Variants in FBXO31 observed in about 807,000 individuals in gnomAD.
The protein encoded by FBXO31 is F-box protein 31.
FBXO31 carries 24 observed loss-of-function variants against 54.4 expected under a neutral mutation model. That is an observed-to-expected ratio of 0.44 (90% CI 0.32 to 0.62). FBXO31 has a LOEUF of 0.62. FBXO31 is among the 20% of genes least tolerant of loss of function. The probability of loss-of-function intolerance (pLI) is 0.05; values close to 1 mark genes in which losing one functional copy is unlikely to be tolerated. For synonymous variants in FBXO31, 388 were observed against 335.6 expected (o/e 1.16, Z -1.71); for missense variants, 665 against 787.1 (o/e 0.84, Z 1.86).
Position 87,383,379 on chromosome 16 carries a change from CGG to C in FBXO31, c.340+24_340+25del. On this transcript the variant is annotated intron_variant, in intron 1 of 8. Transcript: ENST00000311635. This position sits in a 1 kb window ranked among gnomAD's most constrained non-coding sequence, Gnocchi z 4.9. Reference sequence around the variant, plus strand: ...CCTGGCAGGGACCCCCCGCCCCTCCCGGCCCCGCCACCCCCGCGCGCTCACCC... The same window carrying C: ...CCTGGCAGGGACCCCCCGCCCCTCCCCCCCGCCACCCCCGCGCGCTCACCC... 2.9e-3 allele frequency: 4,271 copies of C among 1,467,198 alleles called. No homozygotes were observed. Among genetic ancestry groups the C allele is most frequent in the Non-Finnish European group, 3.6e-3 (3,898 of 1,085,692 alleles). 90.9% of individuals were successfully genotyped at this position (1,467,198 alleles called of 1,614,324 possible). A position where few individuals can be genotyped will look rare whatever the true frequency, so the allele number is the denominator to read the frequency against.
Position 87,383,750 on chromosome 16 carries a change from C to T in FBXO31, c.-6G>A, listed in dbSNP as rs1907198079. The T allele has an allele frequency of 8.3e-7, 1 of 1,202,208 alleles. No homozygotes were observed. The highest frequency in any genetic ancestry group is 3.6e-5 in the East Asian group (1 of 27,420). The allele number at this position is 1,202,208 out of a possible 1,614,324, so 74.5% of individuals were successfully genotyped here. Reference sequence around the variant, plus strand: ...AGGCGAGCACACACCGCCATGCCGCCCAGTGACGGCCACTGCTGCCGCCTG... The same window carrying T: ...AGGCGAGCACACACCGCCATGCCGCTCAGTGACGGCCACTGCTGCCGCCTG... On this transcript the variant is annotated 5_prime_UTR_variant, in exon 1 of 9. Transcript: ENST00000311635. This position sits in a 1 kb window ranked among gnomAD's most constrained non-coding sequence, Gnocchi z 4.9.
intron 1 of FBXO31, among the ~76,000 whole-genome samples, chr16:87,372,732 C>CT (rs540984671): frequency 0.045 from 5,859 of 129,730 alleles, 182 homozygotes; most frequent in Middle Eastern, 0.1. Flanking sequence ...GGTTAATTTC[C>CT]TTTTTTTTTT....
chr16:87,331,007 C>T lies in FBXO31; in HGVS notation c.*281G>A, dbSNP rs1904834061. On this transcript the variant is annotated 3_prime_UTR_variant, in exon 9 of 9. Coordinates refer to ENST00000311635, the MANE Select transcript of FBXO31 (RefSeq NM_024735.5). ...GCGGGAACCCCACCGCTTCAATTCTCACGCGGTCCCACGGCTGTCCCCTAC... is the reference window on the plus strand; with the variant it reads ...GCGGGAACCCCACCGCTTCAATTCTTACGCGGTCCCACGGCTGTCCCCTAC... 3 of 370,072 alleles carry T rather than the reference C, an allele frequency of 8.1e-6. No individual in the cohort carries two copies. The highest frequency in any genetic ancestry group is 1.5e-5 in the Non-Finnish European group (3 of 198,134). The allele number at this position is 370,072 out of a possible 1,614,324, so 22.9% of individuals were successfully genotyped here.
intron 1 of FBXO31, among the ~76,000 whole-genome samples, chr16:87,381,131 A>C (rs368805883): frequency 2.3e-4 from 35 of 152,284 alleles, no homozygotes; most frequent in Middle Eastern, 3.4e-3. Flanking sequence ...GGGAAAGAGA[A>C]AGTGGAACTG....
In FBXO31 at chr16:87,329,296, G is replaced by T. The variant is rs1445874910; in HGVS notation, c.*1992C>A. On this transcript the variant is annotated 3_prime_UTR_variant, in exon 9 of 9. Transcript: ENST00000311635. ...CAACAGCCCATGGCTGAGACATGAT[G>T]GGTGGAAGCTATTTCTATACCCAAA... 1 of 152,342 alleles carries T rather than the reference G, an allele frequency of 6.6e-6. No individual in the cohort carries two copies. The highest frequency in any genetic ancestry group is 1.5e-5 in the Non-Finnish European group (1 of 68,126). 9.4% of individuals were successfully genotyped at this position (152,342 alleles called of 1,614,324 possible).
intron 1 of FBXO31, among the ~76,000 whole-genome samples, chr16:87,378,249 A>G (rs1906917394): frequency 6.6e-6 from 1 of 152,198 alleles, no homozygotes; most frequent in African/African-American, 2.4e-5. Flanking sequence ...AGCAAAAATG[A>G]AAGATAAATA....
At chr16:87,392,117 G>A (rs536591188), upstream of FBXO31, 90 of 294,544 alleles carry the variant, frequency 3.1e-4, no homozygotes, top group African/African-American at 1.7e-3. Context: ...GTGCTGGGCG[G>A]GGCTGGGGCA....
In FBXO31 at chr16:87,336,990, T is replaced by G. The variant is rs564224902; in HGVS notation, c.733-726A>C. Reference sequence around the variant, plus strand: ...TAGACCTAACTCTGAAAGGGACGCATAAGCAACTCACAAAAAAGAGGAAAC... The same window carrying G: ...TAGACCTAACTCTGAAAGGGACGCAGAAGCAACTCACAAAAAAGAGGAAAC... On this transcript the variant is annotated intron_variant, in intron 5 of 8. Transcript: ENST00000311635. This position sits in a 1 kb window ranked among gnomAD's most constrained non-coding sequence, Gnocchi z 6.5. 6.6e-6 allele frequency among the ~76,000 whole-genome samples: 1 copy of G among 152,242 alleles called. No individual in the cohort carries two copies. Among genetic ancestry groups the G allele is most frequent in the Non-Finnish European group, 1.5e-5 (1 of 68,022 alleles).
intron 2 of FBXO31, among the ~76,000 whole-genome samples, chr16:87,348,190 A>C (rs1905478405): frequency 6.6e-6 from 1 of 152,054 alleles, no homozygotes; most frequent in Admixed American, 6.5e-5. Context: ...CTAGGCCCTC[A>C]GCCATGTGGC....
At chr16:87,363,646 T>G (rs1201085027) in intron 1 of FBXO31, among the ~76,000 whole-genome samples, 1 of 152,200 alleles carries the variant, frequency 6.6e-6, no homozygotes, top group Non-Finnish European at 1.5e-5. Context: ...AAATAGTTTT[T>G]TAATGAAAAT....
At chr16:87,363,669 G>A (rs1055124218) in intron 1 of FBXO31, among the ~76,000 whole-genome samples, 1 of 152,180 alleles carries the variant, frequency 6.6e-6, no homozygotes, top group Admixed American at 6.5e-5. Context: ...CTTGCTACAT[G>A]GTTAAGTGCT....
upstream of FBXO31, chr16:87,383,878 G>C: frequency 6.6e-6 from 4 of 607,478 alleles, no homozygotes; most frequent in Middle Eastern, 6.4e-4. This position sits in a 1 kb window ranked among gnomAD's most constrained non-coding sequence, Gnocchi z 4.9. Flanking sequence ...CCTACGTAGA[G>C]CTCCGCCCCG....
intron 1 of FBXO31, among the ~76,000 whole-genome samples, chr16:87,382,954 C>A (rs1324791154): frequency 6.6e-6 from 1 of 152,098 alleles, no homozygotes; most frequent in Non-Finnish European, 1.5e-5. Context: ...TCTTCAAGTT[C>A]ACCTCGTCTC....
intron 1 of FBXO31, among the ~76,000 whole-genome samples, chr16:87,372,085 A>G (rs907922848): frequency 5.9e-5 from 9 of 152,006 alleles, no homozygotes; most frequent in Admixed American, 1.3e-4. Context: ...TTAGCCAGGT[A>G]TGGTGGCACA....
intron 3 of FBXO31, among the ~76,000 whole-genome samples, chr16:87,344,805 A>ACG (rs1905309060): frequency 6.6e-6 from 1 of 152,070 alleles, no homozygotes; most frequent in Non-Finnish European, 1.5e-5. Context: ...AACACAACAA[A>ACG]CGCAGAGCGG....
upstream of FBXO31, among the ~76,000 whole-genome samples, chr16:87,385,768 G>A (rs189776393): frequency 6.6e-6 from 1 of 152,258 alleles, no homozygotes; most frequent in East Asian, 1.9e-4. Flanking sequence ...CAGAACTTTG[G>A]GAGGCCAAGG....
chr16:87,368,687 T>C (rs531589500), intron 1 of FBXO31, among the ~76,000 whole-genome samples: 45 of 152,194 alleles, frequency 3.0e-4, no homozygotes, highest in African/African-American at 1.1e-3. Flanking sequence ...ATCTTAATAG[T>C]TTCAGAAAGA....
chr16:87,378,099 C>T (rs1489415817), intron 1 of FBXO31, among the ~76,000 whole-genome samples: 1 of 151,060 alleles, frequency 6.6e-6, no homozygotes, highest in Non-Finnish European at 1.5e-5. Context: ...GCAGAGGTTG[C>T]GGTGAGCCAA....
upstream of FBXO31, chr16:87,383,813 G>A (rs868253548): frequency 8.3e-6 from 9 of 1,081,668 alleles, 1 homozygote; most frequent in Middle Eastern, 2.7e-3. This position sits in a 1 kb window ranked among gnomAD's most constrained non-coding sequence, Gnocchi z 4.9. Context: ...CGCCAGCGCC[G>A]AGCCACGCCC....
Sources: gnomAD v4.1 joint callset for allele counts (sites outside exome capture counted in the v4.1 genomes callset) on GRCh38, gnomAD v4.1.1 for gene constraint, Gnocchi (gnomAD v3.1) non-coding constraint, MANE v1.5 for transcripts, NCBI Gene and HGNC (gene_info 2026-07-23, HGNC 2026-07-21) for gene names.